Variants in COL25A1 observed in about 807,000 individuals in gnomAD.
COL25A1 encodes the protein collagen alpha-1(XXV) chain.
Under a neutral mutation model 128.4 loss-of-function variants are expected in COL25A1, and 103 were observed. The observed-to-expected ratio is 0.80, with a 90% confidence interval of 0.68 to 0.94. The LOEUF (loss-of-function observed/expected upper bound fraction) is 0.94. Ranked by LOEUF, COL25A1 falls within the 40% of genes least tolerant of loss-of-function variation. The probability of loss-of-function intolerance (pLI) is 0.00; values close to 1 mark genes in which losing one functional copy is unlikely to be tolerated. For synonymous variants in COL25A1, 279 were observed against 277.2 expected, an observed-to-expected ratio of 1.01 and a Z score of -0.06; for missense variants, 745 against 840.0, an observed-to-expected ratio of 0.89 and a Z score of 1.40.
intron 6 of COL25A1, among the ~76,000 whole-genome samples, chr4:108,982,904 T>C (rs551807717): frequency 6.6e-6 from 1 of 152,058 alleles, no homozygotes. Flanking sequence ...GCAGCTGCCA[T>C]AAGGAAGCAA....
intron 3 of COL25A1, among the ~76,000 whole-genome samples, chr4:109,281,441 TAAAC>T (rs1723382028): frequency 6.7e-6 from 1 of 150,258 alleles, no homozygotes; most frequent in Non-Finnish European, 1.5e-5. Context: ...AAATTCCAAA[TAAAC>T]AAGATTTTTT....
intron 3 of COL25A1, among the ~76,000 whole-genome samples, chr4:109,293,451 A>T (rs1724664680): frequency 6.6e-6 from 1 of 152,094 alleles, no homozygotes; most frequent in Admixed American, 6.6e-5. Context: ...TTAGTTAGAC[A>T]GATTCTGACT....
At chr4:109,084,319 G>T (rs1283686423) in intron 3 of COL25A1, among the ~76,000 whole-genome samples, 1 of 152,018 alleles carries the variant, frequency 6.6e-6, no homozygotes, top group Non-Finnish European at 1.5e-5. Flanking sequence ...TAAATTATAG[G>T]TATGCCTTGC....
intron 36 of COL25A1, among the ~76,000 whole-genome samples, chr4:108,818,871 T>A (rs375033968): frequency 6.8e-6 from 1 of 146,092 alleles, no homozygotes. Flanking sequence ...TTTTTTTTTT[T>A]TAGAGAAAAA....
chr4:109,209,226 G>A (rs1777295598), intron 3 of COL25A1, among the ~76,000 whole-genome samples: 1 of 152,220 alleles, frequency 6.6e-6, no homozygotes, highest in Admixed American at 6.5e-5. Flanking sequence ...TTCAGAATAA[G>A]CTAGTATCTA....
At chr4:108,840,179 T>C (rs546196637) in intron 31 of COL25A1, among the ~76,000 whole-genome samples, 5 of 147,996 alleles carry the variant, frequency 3.4e-5, no homozygotes, top group African/African-American at 1.3e-4. Flanking sequence ...GAGGCGGAGG[T>C]TGCAGCGAGC....
At chr4:108,946,157 C>T (rs1227314877) in intron 8 of COL25A1, among the ~76,000 whole-genome samples, 2 of 152,222 alleles carry the variant, frequency 1.3e-5, no homozygotes, top group Non-Finnish European at 1.5e-5. Context: ...AATATTTTGA[C>T]ATCATTACAG....
chr4:109,118,184 A>G (rs895201322), intron 3 of COL25A1, among the ~76,000 whole-genome samples: 2 of 151,918 alleles, frequency 1.3e-5, no homozygotes, highest in African/African-American at 4.8e-5. Flanking sequence ...CAATTAAAAT[A>G]TAAAGACATA....
chr4:108,940,179 C>T (rs1022420140), intron 10 of COL25A1, among the ~76,000 whole-genome samples: 7 of 152,124 alleles, frequency 4.6e-5, no homozygotes, highest in East Asian at 1.9e-4. Context: ...CCAAAGGCCC[C>T]GGTGCACACT....
chr4:108,928,063 G>A lies in COL25A1; in HGVS notation c.709-7459C>T, dbSNP rs138083239. 1.2e-3 allele frequency among the ~76,000 whole-genome samples: 190 copies of A among 152,060 alleles called. No individual in the cohort carries two copies. The East Asian group carries it at 0.022, about 18-fold the overall frequency. On this transcript the variant is annotated intron_variant, in intron 11 of 37. Coordinates refer to ENST00000399132, the MANE Select transcript of COL25A1 (RefSeq NM_198721.4). ...GCTAAACCCAAAATGGAAATGATCC[G>A]AAAAGAAAGAAAAATTAACAGGCTT...
chr4:108,988,147 A>G (rs942959911), intron 6 of COL25A1, among the ~76,000 whole-genome samples: 7 of 152,226 alleles, frequency 4.6e-5, no homozygotes, highest in Admixed American at 1.3e-4. Flanking sequence ...CCTAGAGCAA[A>G]GAATAATTAC....
At chr4:109,140,267 T>C (rs1010740433) in intron 3 of COL25A1, among the ~76,000 whole-genome samples, 9 of 152,206 alleles carry the variant, frequency 5.9e-5, no homozygotes, top group Non-Finnish European at 1.3e-4. Context: ...TTCTAAGGCC[T>C]TTGTTCTGTT....
At chr4:108,843,111 T>C (rs1335483529) in intron 30 of COL25A1, among the ~76,000 whole-genome samples, 1 of 125,838 alleles carries the variant, frequency 7.9e-6, no homozygotes. Context: ...ATCGTGCCAC[T>C]GTACTCCAGC....
chr4:109,036,012 A>C (rs1260366343), intron 5 of COL25A1, among the ~76,000 whole-genome samples: 1 of 151,752 alleles, frequency 6.6e-6, no homozygotes. Context: ...ACTGCAAGCT[A>C]CGCCTCCCAG....
chr4:109,141,339 A>G (rs574805219), intron 3 of COL25A1, among the ~76,000 whole-genome samples: 79 of 152,288 alleles, frequency 5.2e-4, no homozygotes, highest in Middle Eastern at 6.8e-3. Flanking sequence ...GTTTGCCAGT[A>G]TTTTATTGAA....
chr4:109,101,663 C>T (rs1159997344), intron 3 of COL25A1, among the ~76,000 whole-genome samples: 1 of 152,166 alleles, frequency 6.6e-6, no homozygotes, highest in Non-Finnish European at 1.5e-5. Context: ...GTCTCTTGAA[C>T]TCATCTATTG....
intron 3 of COL25A1, among the ~76,000 whole-genome samples, chr4:109,287,403 A>T (rs749893917): frequency 6.6e-6 from 1 of 152,202 alleles, no homozygotes; most frequent in African/African-American, 2.4e-5. Context: ...AAAAATTTTT[A>T]AAGGCTGCTA....
At chr4:108,971,992 C>T (rs1190707713) in intron 8 of COL25A1, among the ~76,000 whole-genome samples, 2 of 152,098 alleles carry the variant, frequency 1.3e-5, no homozygotes, top group African/African-American at 4.8e-5. Flanking sequence ...TTCTTAATTT[C>T]TATATGATCT....
At chr4:109,102,298 G>A (rs1369013785) in intron 3 of COL25A1, among the ~76,000 whole-genome samples, 1 of 151,780 alleles carries the variant, frequency 6.6e-6, no homozygotes, top group African/African-American at 2.4e-5. Flanking sequence ...TAATTTATAG[G>A]TGCTTTTATA....
Sources: gnomAD v4.1 joint callset for allele counts (sites outside exome capture counted in the v4.1 genomes callset) on GRCh38, gnomAD v4.1.1 for gene constraint, MANE v1.5 for transcripts, NCBI Gene and HGNC (gene_info 2026-07-23, HGNC 2026-07-21) for gene names.